Variants in UGGT2 observed in about 807,000 individuals in gnomAD.
UGGT2 encodes the protein UDP-glucose glycoprotein glucosyltransferase 2, also known as UDP-glucose:glycoprotein glucosyltransferase 2.
UGGT2 carries 180 observed loss-of-function variants against 192.1 expected under a neutral mutation model. That is an observed-to-expected ratio of 0.94 (90% confidence interval 0.83 to 1.06). The LOEUF is 1.06. Among genes scored for constraint, UGGT2 ranks in the 50% least tolerant of loss-of-function variants. The pLI is 0.00. For synonymous variants in UGGT2, 580 were observed against 591.0 expected (o/e 0.98, Z 0.27); for missense variants, 1,849 against 1,795.7 (o/e 1.03, Z -0.54).
chr13:95,928,197 T>A (rs2049096610), intron 17 of UGGT2, among the ~76,000 whole-genome samples: 2 of 151,794 alleles, frequency 1.3e-5, no homozygotes, highest in Admixed American at 1.3e-4. Flanking sequence ...CCAGACGGGG[T>A]GGCGGCCGGG....
intron 12 of UGGT2, 96 bp downstream of exon 12, chr13:95,970,016 T>G: frequency 7.7e-7 from 1 of 1,291,582 alleles, no homozygotes; most frequent in South Asian, 1.4e-5. Context: ...TGTTCCAAAA[T>G]GCTGACATTT....
chr13:95,821,166 C>T (rs1885472803), intron 38 of UGGT2, among the ~76,000 whole-genome samples: 2 of 152,080 alleles, frequency 1.3e-5, no homozygotes, highest in African/African-American at 4.8e-5. Flanking sequence ...AGTCTCCATA[C>T]TGTTTTCCAT....
chr13:96,003,899 G>C (rs1566815019), intron 5 of UGGT2, among the ~76,000 whole-genome samples: 1 of 152,136 alleles, frequency 6.6e-6, no homozygotes, highest in African/African-American at 2.4e-5. Flanking sequence ...AAGCAATTCA[G>C]ACACAGACAC....
At chr13:95,811,632 A>G (rs913641817) in intron 38 of UGGT2, among the ~76,000 whole-genome samples, 1 of 152,198 alleles carries the variant, frequency 6.6e-6, no homozygotes, top group African/African-American at 2.4e-5. Context: ...TATATAACAA[A>G]GCGGTAGATA....
At chr13:96,006,875 C>T (rs1488745850) in intron 5 of UGGT2, among the ~76,000 whole-genome samples, 4 of 152,060 alleles carry the variant, frequency 2.6e-5, no homozygotes, top group Admixed American at 2.6e-4. Flanking sequence ...GGACTGCCAT[C>T]CCCAGTCTTG....
chr13:95,990,208 T>A, intron 7 of UGGT2, 135 bp from the exon 8 acceptor site: 1 of 495,222 alleles, frequency 2.0e-6, no homozygotes, highest in Non-Finnish European at 3.5e-6. Flanking sequence ...AATCATAAAT[T>A]GTGATACAGC....
In UGGT2 at chr13:95,853,641, C is replaced by T. The variant is rs1448027365; in HGVS notation, c.4186G>A (p.Asp1396Asn). The T allele has an allele frequency of 6.3e-7, 1 of 1,579,614 alleles. No homozygotes were observed. The highest frequency in any genetic ancestry group is 8.6e-7 in the Non-Finnish European group (1 of 1,169,066). ...CCAATTCTCCTGAACTTCTTGAGAT[C>T]CACTACATATAAAGCACTGCAAAAA... ...KYHISALYVVDLKKFRRIGAG... is the reference protein window; with the variant it reads ...KYHISALYVVNLKKFRRIGAG... Residue 1396 changes from aspartate (D) to asparagine (N), a missense_variant, in exon 36 of 39, where the codon GAT becomes AAT. Coordinates refer to ENST00000376747, the MANE Select transcript of UGGT2 (RefSeq NM_020121.4).
intron 20 of UGGT2, among the ~76,000 whole-genome samples, chr13:95,912,186 A>T (rs1310785418): frequency 2.6e-5 from 4 of 152,204 alleles, no homozygotes; most frequent in African/African-American, 4.8e-5. Flanking sequence ...CAAGACAGGG[A>T]TGCTCTCTCT....
chr13:95,964,506 CAG>C (rs2050504056), intron 12 of UGGT2, among the ~76,000 whole-genome samples: 1 of 151,948 alleles, frequency 6.6e-6, no homozygotes, highest in Non-Finnish European at 1.5e-5. Context: ...AAAAAATCAA[CAG>C]AGTGAAGAGC....
chr13:95,845,765 T>A (rs1211398798), intron 36 of UGGT2, among the ~76,000 whole-genome samples: 4 of 151,330 alleles, frequency 2.6e-5, no homozygotes, highest in Non-Finnish European at 4.4e-5. Context: ...GAGACACTCC[T>A]CAGTTCCCAG....
intron 36 of UGGT2, among the ~76,000 whole-genome samples, chr13:95,849,804 T>C (rs1040178835): frequency 3.3e-5 from 5 of 150,800 alleles, no homozygotes; most frequent in African/African-American, 1.2e-4. Flanking sequence ...TAGTACCTGA[T>C]AGGTAGTAAA....
In UGGT2 at chr13:95,947,017, C is replaced by T. The variant is rs7986005; in HGVS notation, c.1677+20G>A. On this transcript the variant is annotated intron_variant, in intron 15 of 38. Transcript: ENST00000376747. ...AGAATTTTACCTTCTAAACAAATCA[C>T]ATTTAGTGCATAAACTCACGTGTAC... 620,100 of 1,534,632 alleles carry T rather than the reference C, an allele frequency of 0.4. 126,929 individuals are homozygous for T. The highest frequency in any genetic ancestry group is 0.44 in the Middle Eastern group (2,485 of 5,604).
chr13:95,946,513 C>A (rs866730807), intron 15 of UGGT2, among the ~76,000 whole-genome samples: 1 of 152,128 alleles, frequency 6.6e-6, no homozygotes, highest in Non-Finnish European at 1.5e-5. Context: ...TGACTACAGG[C>A]ATGTGCCGCT....
At chr13:95,890,802 G>T in intron 25 of UGGT2, 60 bp downstream of exon 25, 2 of 1,316,828 alleles carry the variant, frequency 1.5e-6, no homozygotes, top group Non-Finnish European at 2.1e-6. Context: ...TTTGAAAACA[G>T]ACTTGAAAAA....
At chr13:96,020,490 T>C (rs145884743) in intron 4 of UGGT2, among the ~76,000 whole-genome samples, 152 of 152,310 alleles carry the variant, frequency 1.0e-3, no homozygotes, top group African/African-American at 3.5e-3. Flanking sequence ...TTCACAAACA[T>C]TGACAGCATT....
chr13:95,933,196 T>C (rs1468350516), intron 17 of UGGT2, among the ~76,000 whole-genome samples: 1 of 152,256 alleles, frequency 6.6e-6, no homozygotes, highest in African/African-American at 2.4e-5. Context: ...AATTCAGTTA[T>C]GAATCCATCT....
At chr13:95,972,750 TAAAG>T (rs2050815196) in intron 10 of UGGT2, 79 bp from the exon 11 acceptor site, 1 of 1,076,826 alleles carries the variant, frequency 9.3e-7, no homozygotes. Flanking sequence ...ATTATTTCTA[TAAAG>T]AGTCAGAGAG....
chr13:95,943,586 A>T (rs2049764194), intron 15 of UGGT2, among the ~76,000 whole-genome samples: 1 of 152,036 alleles, frequency 6.6e-6, no homozygotes, highest in Admixed American at 6.6e-5. Context: ...TGATGAAAAT[A>T]ATTAATAAAT....
At chr13:96,003,675 TAGAAAA>T (rs2051878708) in intron 5 of UGGT2, among the ~76,000 whole-genome samples, 1 of 152,116 alleles carries the variant, frequency 6.6e-6, no homozygotes, top group Non-Finnish European at 1.5e-5. Flanking sequence ...AAAGGCCATG[TAGAAAA>T]AGACAAGAAA....
Sources: gnomAD v4.1 joint callset for allele counts (sites outside exome capture counted in the v4.1 genomes callset) on GRCh38, gnomAD v4.1.1 for gene constraint, MANE v1.5 for transcripts, NCBI Gene and HGNC (gene_info 2026-07-23, HGNC 2026-07-21) for gene names.